PRR14L: variants seen among roughly 807,000 people sequenced by gnomAD.
PRR14L encodes the protein protein PRR14L.
In PRR14L, 80 loss-of-function variants were observed where a neutral mutation model predicts 155.0. The observed-to-expected ratio is 0.52, with a 90% CI of 0.43 to 0.62. The LOEUF is 0.62. Among genes scored for constraint, PRR14L ranks in the 20% least tolerant of loss-of-function variants. The pLI, the probability that PRR14L is intolerant of heterozygous loss-of-function variation, is 0.00. For synonymous variants in PRR14L, 883 were observed against 916.0 expected (o/e 0.96, Z 0.65); for missense variants, 2,469 against 2,548.0 (o/e 0.97, Z 0.67).
chr22:31,713,845 T>C lies in PRR14L; in HGVS notation c.3994A>G (p.Lys1332Glu), dbSNP rs774420654. The C allele has an allele frequency of 6.4e-7, 1 of 1,552,334 alleles. No homozygotes were observed. Among genetic ancestry groups the C allele is most frequent in the Admixed American group, 2.0e-5 (1 of 51,006 alleles). The stretch of plus-strand genomic sequence containing the variant: ...TCTTCGGTTTCTTCTCCTTTCACTT[T>C]AATATCTGTTTTCACTGTCAAAGGC... The part of the protein sequence containing the change: ...HLPLTVKTDI[K>E]VKGEETEEHQ... The change falls in exon 4 of 9, where the codon AAA (lysine) becomes GAA (glutamate). Residue 1332 changes from lysine to glutamate, a missense_variant. By Grantham distance (56) the Lys-to-Glu change is moderately conservative. Around this residue, in one of 2 missense-constraint regions of PRR14L, gnomAD observed 2,363 missense variants for 2,371.6 expected, o/e 1.00. Coordinates refer to ENST00000327423, the MANE Select transcript of PRR14L (RefSeq NM_173566.3).
intron 3 of PRR14L, among the ~76,000 whole-genome samples, chr22:31,718,298 C>G (rs1335202291): frequency 2.0e-5 from 3 of 149,126 alleles, no homozygotes; most frequent in Non-Finnish European, 4.4e-5. Flanking sequence ...CTTTGTCGCC[C>G]AGGCTGGAGT....
At chr22:31,726,782 T>TA (rs1484648963) in intron 2 of PRR14L, among the ~76,000 whole-genome samples, 1 of 152,154 alleles carries the variant, frequency 6.6e-6, no homozygotes, top group Non-Finnish European at 1.5e-5. Flanking sequence ...ACAGCAACCT[T>TA]ACAAGTGGCT....
At position 31,685,548 on chromosome 22, in the gene PRR14L, C is replaced by T; in HGVS notation, c.6435G>A (p.Gln2145=). ...CTTCTCAACAGCCTGATGATTGTTC[C>T]TGCTCCTCTTCCTTGGCAAAGAAGG... ...LETFFAKEEE[Q]EQSSGC Residue 2145 remains glutamine (Q), a synonymous_variant, in exon 9 of 9, where the codon CAG becomes CAA. Transcript: ENST00000327423. 1 of 1,551,640 alleles carries T rather than the reference C, an allele frequency of 6.4e-7. No homozygotes were observed.
At chr22:31,735,772 G>T (rs1216602492) in intron 2 of PRR14L, among the ~76,000 whole-genome samples, 1 of 151,790 alleles carries the variant, frequency 6.6e-6, no homozygotes, top group African/African-American at 2.4e-5. Context: ...GGCATTGGCC[G>T]GGCGCAGTGG....
At chr22:31,699,094 T>C (rs1238141081) in intron 7 of PRR14L, among the ~76,000 whole-genome samples, 1 of 151,838 alleles carries the variant, frequency 6.6e-6, no homozygotes, top group African/African-American at 2.4e-5. Context: ...TGGAGTGCAG[T>C]GCCGCGACCT....
At chr22:31,685,973 T>C (rs1467429461) in intron 8 of PRR14L, among the ~76,000 whole-genome samples, 170 bp from the exon 9 acceptor site, 1 of 152,148 alleles carries the variant, frequency 6.6e-6, no homozygotes, top group African/African-American at 2.4e-5. Flanking sequence ...TCACTCTTGT[T>C]GCCCAGGCTG....
intron 1 of PRR14L, among the ~76,000 whole-genome samples, chr22:31,748,903 G>C (rs1408685044): frequency 1.3e-5 from 2 of 152,168 alleles, no homozygotes; most frequent in Non-Finnish European, 2.9e-5. Flanking sequence ...CAGGATCTAA[G>C]GGGACTGGAA....
Position 31,717,004 on chromosome 22 carries a change from G to C in PRR14L, c.835C>G (p.Pro279Ala). The change falls in exon 4 of 9, where the codon CCT (proline) becomes GCT (alanine). Residue 279 changes from proline (P) to alanine (A), a missense_variant. This residue lies in a region of PRR14L where 2,363 missense variants were observed against 2,371.6 expected (regional missense o/e 1.00). Coordinates refer to ENST00000327423, the MANE Select transcript of PRR14L (RefSeq NM_173566.3). ...EKECEELKSC[P>A]WLSLPGNSAI... is the part of the protein sequence containing the mutation. The stretch of plus-strand genomic sequence containing the variant: ...CTGTTTCCTGGTAATGACAACCAAG[G>C]ACAACTTTTTAATTCTTCACATTCT... 6.4e-7 allele frequency: 1 copy of C among 1,551,734 alleles called. No homozygotes were observed. The highest frequency in any genetic ancestry group is 2.0e-5 in the Admixed American group (1 of 50,992).
At chr22:31,737,255 C>T (rs1313751230) in intron 2 of PRR14L, among the ~76,000 whole-genome samples, 1 of 151,192 alleles carries the variant, frequency 6.6e-6, no homozygotes, top group African/African-American at 2.4e-5. Flanking sequence ...CCAAGACGGT[C>T]GGATCACCTG....
chr22:31,706,447 C>G (rs1221194704), intron 4 of PRR14L, among the ~76,000 whole-genome samples: 1 of 113,696 alleles, frequency 8.8e-6, no homozygotes, highest in Non-Finnish European at 1.8e-5. Flanking sequence ...TTTTTTGAGA[C>G]GGAGTCTCAC....
Position 31,715,808 on chromosome 22 carries a change from C to T in PRR14L, c.2031G>A (p.Glu677=). 6.4e-7 allele frequency: 1 copy of T among 1,551,686 alleles called. No individual in the cohort carries two copies. Among genetic ancestry groups the T allele is most frequent in the Non-Finnish European group, 8.7e-7 (1 of 1,146,930 alleles). The change falls in exon 4 of 9, where the codon GAG becomes GAA. Residue 677 remains glutamate, a synonymous_variant. Transcript: ENST00000327423. ...CATCTCTGCCTGTTGCTAAAGGCATCTCTTTGTTTAAATGCAGTAGAGAGT... is the reference window on the plus strand; with the variant it reads ...CATCTCTGCCTGTTGCTAAAGGCATTTCTTTGTTTAAATGCAGTAGAGAGT... ...PTDSLLHLNK[E]MPLATGRDAH... is the part of the protein sequence containing the mutation.
At chr22:31,720,309 C>G (rs888527539) in intron 3 of PRR14L, among the ~76,000 whole-genome samples, 1 of 152,186 alleles carries the variant, frequency 6.6e-6, no homozygotes, top group Non-Finnish European at 1.5e-5. Flanking sequence ...ATACTGCAAG[C>G]CACAGGTTTT....
chr22:31,709,639 C>CA (rs2074610865), intron 4 of PRR14L, among the ~76,000 whole-genome samples: 1 of 141,104 alleles, frequency 7.1e-6, no homozygotes, highest in African/African-American at 2.6e-5. Flanking sequence ...CTCCTGGATT[C>CA]AAGCGATTCT....
chr22:31,689,395 T>G (rs2074499545), intron 7 of PRR14L, among the ~76,000 whole-genome samples: 1 of 152,208 alleles, frequency 6.6e-6, no homozygotes, highest in Non-Finnish European at 1.5e-5. Context: ...AGAGCTTTGC[T>G]ACCTTCTGGT....
rs146487053 is a variant in PRR14L at position 31,722,955 on chromosome 22, G to A, written c.547+2583C>T. Reference sequence around the variant, plus strand: ...GTGGGTCTATTTAAATCAAATCCATGGTGATGGCATATATTGCTCATGCTC... The same window carrying A: ...GTGGGTCTATTTAAATCAAATCCATAGTGATGGCATATATTGCTCATGCTC... On this transcript the variant is annotated intron_variant, in intron 3 of 8. Coordinates refer to ENST00000327423, the MANE Select transcript of PRR14L (RefSeq NM_173566.3). 4.4e-4 allele frequency among the ~76,000 whole-genome samples: 67 copies of A among 152,298 alleles called. No homozygotes were observed. The East Asian group carries it at 0.012, about 27-fold the overall frequency.
rs1231567361 is a variant in PRR14L, at chr22:31,682,679, T to C, written c.*2848A>G. 1 of 152,208 alleles carries C rather than the reference T, an allele frequency of 6.6e-6. No individual in the cohort carries two copies. The highest frequency in any genetic ancestry group is 1.5e-5 in the Non-Finnish European group (1 of 68,048). The allele number at this position is 152,208 out of a possible 1,614,324, so 9.4% of individuals were successfully genotyped here. A position where few individuals can be genotyped will look rare whatever the true frequency, so the allele number is the denominator to read the frequency against. ...CTGATTAGACCTGAGATTTCTCCTC[T>C]TTCCCATATTAAAAACACTAAACCT... On this transcript the variant is annotated 3_prime_UTR_variant, in exon 9 of 9. Transcript: ENST00000327423.
At chr22:31,689,605 C>A (rs1206480446) in intron 7 of PRR14L, among the ~76,000 whole-genome samples, 1 of 152,138 alleles carries the variant, frequency 6.6e-6, no homozygotes, top group African/African-American at 2.4e-5. Context: ...TGTGCTGTCA[C>A]CCAGGCTGGA....
Position 31,703,736 on chromosome 22 carries a change from A to C in PRR14L, c.5829-15T>G. 1 of 1,488,806 alleles carries C rather than the reference A, an allele frequency of 6.7e-7. No individual in the cohort carries two copies. The highest frequency in any genetic ancestry group is 9.0e-7 in the Non-Finnish European group (1 of 1,113,722). The allele number at this position is 1,488,806 out of a possible 1,614,324, so 92.2% of individuals were successfully genotyped here. A position where few individuals can be genotyped will look rare whatever the true frequency, so the allele number is the denominator to read the frequency against. ...GAGGCTCCAGCCTAGCACCATGAAG[A>C]GAAAGAAGATATGAGAGGGGTTCCC... On this transcript the variant is annotated splice_polypyrimidine_tract_variant and intron_variant, in intron 5 of 8. Transcript: ENST00000327423.
At position 31,720,272 on chromosome 22, in the gene PRR14L, G is replaced by A. The variant is rs182746014; in HGVS notation, c.548-2981C>T. Among the ~76,000 whole-genome samples, 26 of 152,258 alleles carry A rather than the reference G, an allele frequency of 1.7e-4. No homozygotes were observed. The East Asian group carries it at 3.7e-3, about 21-fold the overall frequency. On this transcript the variant is annotated intron_variant, in intron 3 of 8. Transcript: ENST00000327423. ...GACACAGCGTTTTAAAATGTTTGGA[G>A]TCAGCAAATATTAGATTAACAACTA...
Sources: gnomAD v4.1 joint callset for allele counts (sites outside exome capture counted in the v4.1 genomes callset) on GRCh38, gnomAD v4.1.1 for gene constraint, gnomAD v4.1.1 regional missense constraint, MANE v1.5 for transcripts, NCBI Gene and HGNC (gene_info 2026-07-23, HGNC 2026-07-21) for gene names.